The following CNTN6 variants were observed in gnomAD, a reference collection of about 807,000 sequenced individuals.
CNTN6 encodes the protein contactin-6.
Under a neutral mutation model 122.8 loss-of-function variants are expected in CNTN6, and 137 were observed. That is an observed-to-expected ratio of 1.12 (90% CI 0.97 to 1.29). CNTN6 has a LOEUF of 1.29. CNTN6 is among the 50% of genes most tolerant of loss of function. The pLI, the probability that CNTN6 is intolerant of heterozygous loss-of-function variation, is 0.00. For synonymous variants in CNTN6, 570 were observed against 426.0 expected (o/e 1.34, Z -4.16); for missense variants, 1,634 against 1,223.4 (o/e 1.34, Z -5.01).
At chr3:1,277,631 G>A (rs935017222) in intron 4 of CNTN6, among the ~76,000 whole-genome samples, 15 of 152,058 alleles carry the variant, frequency 9.9e-5, no homozygotes, top group African/African-American at 3.6e-4. Flanking sequence ...AAAGTGCTGG[G>A]ATTACAGGAG....
chr3:1,182,602 G>T (rs1559470552), intron 2 of CNTN6, among the ~76,000 whole-genome samples: 2 of 144,798 alleles, frequency 1.4e-5, no homozygotes, highest in African/African-American at 5.0e-5. Context: ...CTTTTCCTTA[G>T]TTTTTTTTTT....
At chr3:1,360,814 C>T (rs1461001436) in intron 12 of CNTN6, among the ~76,000 whole-genome samples, 4 of 152,070 alleles carry the variant, frequency 2.6e-5, no homozygotes, top group Non-Finnish European at 5.9e-5. Context: ...TAACCTTGAA[C>T]TCCTGATTCT....
Position 1,214,301 on chromosome 3 carries a change from C to CTTTTTTTTT in CNTN6, c.56-6370_56-6362dup, listed in dbSNP as rs34799447. On this transcript the variant is annotated intron_variant, in intron 2 of 22. Coordinates refer to ENST00000446702, the MANE Select transcript of CNTN6 (RefSeq NM_001289080.2). Reference sequence around the variant, plus strand: ...TTGTTCAAATGTGTTTGTTGGATGTCTTTTTTTTTTTTTTTTTTTTTTTTG... The same window carrying CTTTTTTTTT: ...TTGTTCAAATGTGTTTGTTGGATGTCTTTTTTTTTTTTTTTTTTTTTTTTTTTTTTTTTG... Among the ~76,000 whole-genome samples the CTTTTTTTTT allele has an allele frequency of 2.7e-4, 12 of 44,032 alleles. 1 individual carries two copies. The highest frequency in any genetic ancestry group is 8.0e-4 in the Admixed American group (2 of 2,490). 28.9% of individuals were successfully genotyped at this position (44,032 alleles called of 152,430 possible). A position where few individuals can be genotyped will look rare whatever the true frequency, so the allele number is the denominator to read the frequency against.
intron 7 of CNTN6, among the ~76,000 whole-genome samples, chr3:1,305,291 A>G (rs990028363): frequency 6.6e-6 from 1 of 152,194 alleles, no homozygotes; most frequent in African/African-American, 2.4e-5. Flanking sequence ...AACCACTATA[A>G]GCTAGTGTGA....
At chr3:1,183,416 C>G (rs72999852) in intron 2 of CNTN6, among the ~76,000 whole-genome samples, 2 of 151,052 alleles carry the variant, frequency 1.3e-5, no homozygotes, top group Non-Finnish European at 2.9e-5. Flanking sequence ...TGATTAGAGG[C>G]CAGGTAATCA....
intron 1 of CNTN6, among the ~76,000 whole-genome samples, chr3:1,124,991 T>C (rs113260436): frequency 0.014 from 2,108 of 152,058 alleles, 41 homozygotes; most frequent in African/African-American, 0.047. Flanking sequence ...AGTCACAAAG[T>C]AGTCATTTTG....
rs5846111 is a variant in CNTN6 at position 1,369,381 on chromosome 3, GTTT to G, written c.1493-2903_1493-2901del. On this transcript the variant is annotated intron_variant, in intron 12 of 22. Transcript: ENST00000446702. Reference sequence around the variant, plus strand: ...TCCTTATCTTTTTGACTTGCTGCGGGTTTTTTTTTTTTTTTTTCCTCATTTTCT... The same window carrying G: ...TCCTTATCTTTTTGACTTGCTGCGGGTTTTTTTTTTTTTTCCTCATTTTCT... Among the ~76,000 whole-genome samples, 472 of 137,504 alleles carry G rather than the reference GTTT, an allele frequency of 3.4e-3. 3 individuals are homozygous for G. The highest frequency in any genetic ancestry group is 0.011 in the African/African-American group (401 of 37,630). The allele number at this position is 137,504 out of a possible 152,430, so 90.2% of individuals were successfully genotyped here.
intron 2 of CNTN6, among the ~76,000 whole-genome samples, chr3:1,201,571 A>T (rs1324565996): frequency 2.6e-5 from 4 of 152,334 alleles, no homozygotes; most frequent in Non-Finnish European, 4.4e-5. Context: ...AGATAAAATT[A>T]GCTGTAACTA....
At chr3:1,383,472 T>G in intron 19 of CNTN6, 64 bp downstream of exon 19, 1 of 1,159,154 alleles carries the variant, frequency 8.6e-7, no homozygotes, top group Non-Finnish European at 1.3e-6. Flanking sequence ...TAGCTCCTAT[T>G]CAACAGTCCT....
At chr3:1,253,346 A>G (rs1310189903) in intron 4 of CNTN6, among the ~76,000 whole-genome samples, 1 of 152,304 alleles carries the variant, frequency 6.6e-6, no homozygotes, top group South Asian at 2.1e-4. Context: ...CTCAATAGAT[A>G]GTGAAACAGT....
At chr3:1,401,943 A>G (rs1376485916) in intron 21 of CNTN6, among the ~76,000 whole-genome samples, 3 of 152,070 alleles carry the variant, frequency 2.0e-5, no homozygotes, top group African/African-American at 7.2e-5. Flanking sequence ...CAAGAGTACA[A>G]TCAAGTACCC....
At chr3:1,149,379 A>G (rs1205931311) in intron 2 of CNTN6, among the ~76,000 whole-genome samples, 2 of 151,572 alleles carry the variant, frequency 1.3e-5, no homozygotes, top group African/African-American at 4.9e-5. Context: ...CAAAGCAGTA[A>G]TACATTGACA....
In CNTN6 at chr3:1,403,413, A is replaced by G. The variant is rs780608778; in HGVS notation, c.3082A>G (p.Ile1028Val). 2 of 1,591,288 alleles carry G rather than the reference A, an allele frequency of 1.3e-6. 1 individual carries two copies. The highest frequency in any genetic ancestry group is 1.7e-6 in the Non-Finnish European group (2 of 1,160,504). ...TCACTGTTTTGCTATTCAGCCACTT[A>G]TCTGATGAATAAAACCATAAATCTT... is the stretch of plus-strand genomic sequence containing the variant. ...IFHCFAIQPL[I>V] Residue 1028 changes from isoleucine to valine, a missense_variant, in exon 23 of 23, where the codon ATC (isoleucine) becomes GTC (valine). Physicochemically the swap from Ile to Val is conservative, Grantham distance 29. Transcript: ENST00000446702.
chr3:1,304,795 C>A (rs2125903728), intron 7 of CNTN6, among the ~76,000 whole-genome samples: 1 of 151,784 alleles, frequency 6.6e-6, no homozygotes, highest in African/African-American at 2.4e-5. Context: ...AGTTCAAGAC[C>A]AGCCTGGCCA....
intron 1 of CNTN6, among the ~76,000 whole-genome samples, chr3:1,118,380 A>G (rs969484382): frequency 2.6e-5 from 4 of 152,232 alleles, no homozygotes; most frequent in Admixed American, 6.5e-5. Flanking sequence ...GAAGCATAAT[A>G]GAACAATTAC....
At position 1,162,937 on chromosome 3, in the gene CNTN6, A is replaced by T. The variant is rs972288045; in HGVS notation, c.55+14874A>T. The stretch of plus-strand genomic sequence containing the variant: ...AAATGTGGGAACAGAAAAGCAAAGC[A>T]AAGAGTATTCAGACCACAGAAAATC... On this transcript the variant is annotated intron_variant, in intron 2 of 22. Coordinates refer to ENST00000446702, the MANE Select transcript of CNTN6 (RefSeq NM_001289080.2). 7.2e-5 allele frequency among the ~76,000 whole-genome samples: 11 copies of T among 152,210 alleles called. 1 individual carries two copies. Among genetic ancestry groups the T allele is most frequent in the African/African-American group, 2.4e-4 (10 of 41,456 alleles).
rs1696536874 is a variant in CNTN6, at chr3:1,297,836, A to G, written c.659-53A>G. 6.4e-6 allele frequency: 9 copies of G among 1,407,856 alleles called. 1 individual carries two copies. In the Middle Eastern group the frequency reaches 5.3e-4, roughly 83 times the overall value. 87.2% of individuals were successfully genotyped at this position (1,407,856 alleles called of 1,614,324 possible). A position where few individuals can be genotyped will look rare whatever the true frequency, so the allele number is the denominator to read the frequency against. ...TTTTGGTTAATGAAGCATTTACTTC[A>G]TAGAAAACTTCTATTCTCCAGAAAT... On this transcript the variant is annotated intron_variant, in intron 6 of 22. Coordinates refer to ENST00000446702, the MANE Select transcript of CNTN6 (RefSeq NM_001289080.2).
intron 2 of CNTN6, among the ~76,000 whole-genome samples, chr3:1,162,871 AT>A (rs1468920662): frequency 8.5e-5 from 13 of 152,162 alleles, no homozygotes; most frequent in Admixed American, 8.5e-4. Flanking sequence ...GTATCCTCCC[AT>A]TGCTTATATT....
At chr3:1,223,246 A>G (rs780936363) in intron 3 of CNTN6, among the ~76,000 whole-genome samples, 51 of 152,170 alleles carry the variant, frequency 3.4e-4, no homozygotes, top group Non-Finnish European at 7.1e-4. Flanking sequence ...TATCATTTCT[A>G]GTCACAGCTC....
Sources: allele counts gnomAD v4.1 joint callset (sites outside exome capture counted in the v4.1 genomes callset), GRCh38; gene constraint gnomAD v4.1.1; transcripts MANE v1.5; gene names NCBI Gene and HGNC (gene_info 2026-07-23, HGNC 2026-07-21).